The following RASA1 variants were observed in gnomAD, a reference collection of about 807,000 sequenced individuals.
RASA1 encodes the protein ras GTPase-activating protein 1.
Under a neutral mutation model 132.2 loss-of-function variants are expected in RASA1, and 25 were observed. The ratio of observed to expected loss-of-function variants is 0.19; its 90% CI spans 0.14 to 0.26. RASA1 has a LOEUF of 0.26. Ranked by LOEUF, RASA1 falls within the 10% of genes least tolerant of loss-of-function variation. The pLI is 1.00. For missense variants in RASA1, 964 were observed against 1,299.2 expected (o/e 0.74, Z 3.97); for synonymous variants, 477 against 449.9 (o/e 1.06, Z -0.76).
intron 23 of RASA1, 46 bp downstream of exon 23, chr5:87,386,949 T>C: frequency 6.8e-7 from 1 of 1,478,326 alleles, no homozygotes; most frequent in South Asian, 1.1e-5. Flanking sequence ...TTCTAGTTGA[T>C]ATAGCTGAGT....
Position 87,391,651 on chromosome 5 carries a change from C to T in RASA1, c.*768C>T, listed in dbSNP as rs1762528148. 1 of 232,970 alleles carries T rather than the reference C, an allele frequency of 4.3e-6. No individual in the cohort carries two copies. Among genetic ancestry groups the T allele is most frequent in the Admixed American group, 5.6e-5 (1 of 17,882 alleles). 14.4% of individuals were successfully genotyped at this position (232,970 alleles called of 1,614,324 possible). A position where few individuals can be genotyped will look rare whatever the true frequency, so the allele number is the denominator to read the frequency against. The stretch of plus-strand genomic sequence containing the variant: ...GTTGTATTGATCAATGCATGTTACC[C>T]ATTCAACCATTTTATAGACTACCAA... On this transcript the variant is annotated 3_prime_UTR_variant, in exon 25 of 25. Coordinates refer to ENST00000274376, the MANE Select transcript of RASA1 (RefSeq NM_002890.3).
chr5:87,320,054 A>G (rs1470667141), intron 1 of RASA1, among the ~76,000 whole-genome samples: 1 of 152,184 alleles, frequency 6.6e-6, no homozygotes, highest in Non-Finnish European at 1.5e-5. Flanking sequence ...TCTCTAGGGC[A>G]GGGGCACAAT....
At chr5:87,306,658 A>T (rs1353893428) in intron 1 of RASA1, among the ~76,000 whole-genome samples, 2 of 152,162 alleles carry the variant, frequency 1.3e-5, no homozygotes, top group Non-Finnish European at 2.9e-5. Flanking sequence ...TAGCATTTTT[A>T]CTATGATATG....
At chr5:87,295,356 A>G (rs999872613) in intron 1 of RASA1, among the ~76,000 whole-genome samples, 28 of 151,956 alleles carry the variant, frequency 1.8e-4, no homozygotes, top group Admixed American at 1.4e-3. Context: ...TTAAATTAAT[A>G]TTCACCATAT....
intron 4 of RASA1, 63 bp downstream of exon 4, chr5:87,333,400 C>T (rs965962347): frequency 1.3e-6 from 2 of 1,591,884 alleles, no homozygotes; most frequent in African/African-American, 2.7e-5. Context: ...AGATTTATTA[C>T]TCTTGGACTA....
chr5:87,368,879 CA>C (rs2112472652), intron 11 of RASA1, among the ~76,000 whole-genome samples: 2 of 152,228 alleles, frequency 1.3e-5, no homozygotes, highest in South Asian at 4.1e-4. Context: ...TGCTTTCAAA[CA>C]GTTGTTTTTC....
intron 1 of RASA1, among the ~76,000 whole-genome samples, chr5:87,327,989 G>T (rs575308245): frequency 6.6e-6 from 1 of 151,532 alleles, no homozygotes; most frequent in African/African-American, 2.4e-5. Flanking sequence ...AAAAGAGAGA[G>T]AACTTCCTAT....
chr5:87,371,727 A>G (rs540397847), intron 12 of RASA1, among the ~76,000 whole-genome samples: 102 of 152,262 alleles, frequency 6.7e-4, no homozygotes, highest in African/African-American at 2.4e-3. Flanking sequence ...CACAAAGTGT[A>G]TCAAGTTAAA....
intron 4 of RASA1, among the ~76,000 whole-genome samples, chr5:87,337,472 A>T (rs1758056656): frequency 6.6e-6 from 1 of 152,106 alleles, no homozygotes; most frequent in African/African-American, 2.4e-5. Context: ...AACTGACATA[A>T]GCATCTACAT....
At chr5:87,384,953 T>C (rs962854278) in intron 21 of RASA1, among the ~76,000 whole-genome samples, 3 of 152,042 alleles carry the variant, frequency 2.0e-5, no homozygotes, top group Non-Finnish European at 4.4e-5. Context: ...TTGTGAACTG[T>C]CATAAAAGAT....
chr5:87,382,715 T>C (rs1340253812), intron 20 of RASA1, among the ~76,000 whole-genome samples: 2 of 152,158 alleles, frequency 1.3e-5, no homozygotes, highest in Non-Finnish European at 2.9e-5. Context: ...CAGCTGTTAG[T>C]ATAATTTTTG....
intron 1 of RASA1, among the ~76,000 whole-genome samples, chr5:87,308,470 A>G (rs1359854917): frequency 6.6e-6 from 1 of 151,796 alleles, no homozygotes; most frequent in Non-Finnish European, 1.5e-5. Context: ...TCTTGATTGG[A>G]GATTATTCTG....
intron 1 of RASA1, among the ~76,000 whole-genome samples, chr5:87,287,786 ACG>A (rs1561257562): frequency 1.0e-5 from 1 of 95,652 alleles, no homozygotes; most frequent in Non-Finnish European, 2.3e-5. Flanking sequence ...ATATATGTAC[ACG>A]CCATATATAT....
chr5:87,386,699 G>A, intron 22 of RASA1, 127 bp from the exon 23 acceptor site: 1 of 759,736 alleles, frequency 1.3e-6, no homozygotes, highest in Non-Finnish European at 2.3e-6. Flanking sequence ...TATGGGTTTT[G>A]CTATATTAAT....
chr5:87,364,333 T>C (rs1760343361), intron 11 of RASA1, among the ~76,000 whole-genome samples: 3 of 152,134 alleles, frequency 2.0e-5, no homozygotes, highest in Admixed American at 1.3e-4. Context: ...GGAGATCACA[T>C]TAGTGTTACT....
At chr5:87,298,783 T>G (rs561809063) in intron 1 of RASA1, among the ~76,000 whole-genome samples, 1 of 152,310 alleles carries the variant, frequency 6.6e-6, no homozygotes. Flanking sequence ...AGAATTGAGA[T>G]AGACATTGTA....
intron 1 of RASA1, among the ~76,000 whole-genome samples, chr5:87,271,452 C>T (rs7732746): frequency 0.05 from 1,867 of 37,578 alleles, 32 homozygotes; most frequent in African/African-American, 0.1. Context: ...TAGTAGACTT[C>T]TTTTTTTTTT....
rs1011559611 is a variant in RASA1, at chr5:87,360,749, C to A, written c.1333-1802C>A. 2.6e-5 allele frequency among the ~76,000 whole-genome samples: 4 copies of A among 152,076 alleles called. No homozygotes were observed. In the East Asian group the frequency reaches 7.7e-4, roughly 29 times the overall value. ...TGAGTTTGAGAAAATTCAAGTATAT[C>A]ATCATCTGAAAAATCACAGTCTGAG... On this transcript the variant is annotated intron_variant, in intron 9 of 24. Transcript: ENST00000274376.
chr5:87,314,827 T>G (rs1756201215), intron 1 of RASA1, among the ~76,000 whole-genome samples: 1 of 152,192 alleles, frequency 6.6e-6, no homozygotes, highest in African/African-American at 2.4e-5. Context: ...ATTCTGTCTT[T>G]AAGGTTGATG....
Sources: gnomAD v4.1 joint callset for allele counts (sites outside exome capture counted in the v4.1 genomes callset) on GRCh38, gnomAD v4.1.1 for gene constraint, MANE v1.5 for transcripts, NCBI Gene and HGNC (gene_info 2026-07-23, HGNC 2026-07-21) for gene names.